Variants in ASAP2 observed in about 807,000 individuals in gnomAD.
ASAP2 encodes ArfGAP with SH3 domain, ankyrin repeat and PH domain 2.
A neutral mutation model predicts 131.4 loss-of-function variants in ASAP2; 45 were observed. The observed-to-expected ratio is 0.34, with a 90% CI of 0.27 to 0.44. The LOEUF (loss-of-function observed/expected upper bound fraction) is 0.44. Among genes scored for constraint, ASAP2 ranks in the 20% least tolerant of loss-of-function variants. ASAP2 has a pLI of 1.00. For missense variants in ASAP2, 1,011 were observed against 1,297.0 expected (o/e 0.78, Z 3.39); for synonymous variants, 510 against 503.0 (o/e 1.01, Z -0.19).
intron 2 of ASAP2, among the ~76,000 whole-genome samples, chr2:9,286,022 A>G (rs1667437493): frequency 6.6e-6 from 1 of 152,214 alleles, no homozygotes; most frequent in South Asian, 2.1e-4. Flanking sequence ...AACTATTTCT[A>G]TTGTAGATAT....
chr2:9,313,881 A>G (rs1669477376), intron 3 of ASAP2, among the ~76,000 whole-genome samples: 1 of 152,196 alleles, frequency 6.6e-6, no homozygotes, highest in Non-Finnish European at 1.5e-5. Flanking sequence ...AGTGTAAAAT[A>G]TGCTACTATG....
At chr2:9,278,344 C>G (rs1015473297) in intron 1 of ASAP2, among the ~76,000 whole-genome samples, 1 of 152,000 alleles carries the variant, frequency 6.6e-6, no homozygotes, top group Non-Finnish European at 1.5e-5. Context: ...GAAACCCCGT[C>G]TCTACTAAAA....
chr2:9,338,347 ATCTC>A (rs372489671), intron 9 of ASAP2, among the ~76,000 whole-genome samples: 2 of 147,014 alleles, frequency 1.4e-5, no homozygotes, highest in Non-Finnish European at 3.0e-5. Context: ...GTCTGTCTCT[ATCTC>A]TCTCTCTCTC....
In ASAP2 at chr2:9,388,494, AGCCCCCAGC is replaced by A; in HGVS notation, c.2332_2340del (p.Ala778_Ser780del). The stretch of plus-strand genomic sequence containing the variant: ...GCAGCCCACCTCCCGCCCAGCCTGC[AGCCCCCAGC>A]ACCACCAGCGCCCCCCCGCTTCCTC... On this transcript the variant is annotated inframe_deletion, in exon 22 of 28. Transcript: ENST00000281419. The A allele has an allele frequency of 1.2e-6, 2 of 1,612,674 alleles. No individual in the cohort carries two copies. The highest frequency in any genetic ancestry group is 1.7e-6 in the Non-Finnish European group (2 of 1,179,302).
At chr2:9,300,356 A>G (rs1668407791) in intron 3 of ASAP2, among the ~76,000 whole-genome samples, 1 of 152,240 alleles carries the variant, frequency 6.6e-6, no homozygotes, top group African/African-American at 2.4e-5. Flanking sequence ...TCAGTTAACA[A>G]AAGGGCAGCT....
intron 1 of ASAP2, chr2:9,271,491 A>G: frequency 1.4e-6 from 2 of 1,409,400 alleles, no homozygotes; most frequent in South Asian, 1.2e-5. Flanking sequence ...TCCCTTGGAC[A>G]GTAGTAAGGG....
intron 7 of ASAP2, among the ~76,000 whole-genome samples, chr2:9,334,039 CTTTTTTTTTTT>C (rs35495550): frequency 1.8e-3 from 95 of 53,292 alleles, no homozygotes; most frequent in African/African-American, 6.3e-3. Flanking sequence ...TGTCTTTCTC[CTTTTTTTTTTT>C]TTTTTTTTTT....
intron 16 of ASAP2, among the ~76,000 whole-genome samples, chr2:9,369,335 T>C (rs1673752405): frequency 6.6e-6 from 1 of 152,158 alleles, no homozygotes; most frequent in Non-Finnish European, 1.5e-5. Flanking sequence ...GAAGCTTTTG[T>C]GTCTACTGGT....
intron 11 of ASAP2, among the ~76,000 whole-genome samples, chr2:9,348,273 T>C (rs1672100923): frequency 6.6e-6 from 1 of 151,852 alleles, no homozygotes; most frequent in Non-Finnish European, 1.5e-5. Flanking sequence ...CATGCCACCA[T>C]GCCCAGCTAA....
At chr2:9,327,709 C>A in intron 6 of ASAP2, 117 bp from the exon 7 acceptor site, 1 of 697,444 alleles carries the variant, frequency 1.4e-6, no homozygotes, top group Non-Finnish European at 2.4e-6. Flanking sequence ...CGATCATGCA[C>A]TCTACGCATT....
intron 20 of ASAP2, among the ~76,000 whole-genome samples, chr2:9,381,316 C>G (rs986296219): frequency 6.6e-6 from 1 of 152,236 alleles, no homozygotes; most frequent in African/African-American, 2.4e-5. Flanking sequence ...CCCAGCTTGG[C>G]TTGGGAAGGA....
At chr2:9,330,554 T>C (rs956079824) in intron 7 of ASAP2, among the ~76,000 whole-genome samples, 28 of 152,272 alleles carry the variant, frequency 1.8e-4, no homozygotes, top group African/African-American at 6.0e-4. Context: ...TGAATTTATA[T>C]TAAAAAATAT....
intron 1 of ASAP2, among the ~76,000 whole-genome samples, chr2:9,269,172 A>T (rs1666162112): frequency 6.6e-6 from 1 of 152,034 alleles, no homozygotes; most frequent in African/African-American, 2.4e-5. Flanking sequence ...TTATTAATGA[A>T]ATTCAAAATA....
At chr2:9,316,732 G>T (rs979810602) in intron 3 of ASAP2, among the ~76,000 whole-genome samples, 1 of 152,084 alleles carries the variant, frequency 6.6e-6, no homozygotes, top group Non-Finnish European at 1.5e-5. Flanking sequence ...CTGCTGTCAC[G>T]GAGACTTGCT....
intron 9 of ASAP2, among the ~76,000 whole-genome samples, chr2:9,339,993 A>C (rs1301216728): frequency 6.6e-6 from 1 of 152,116 alleles, no homozygotes; most frequent in Admixed American, 6.5e-5. Context: ...GCCACTTTAC[A>C]GGGTAGGCAA....
intron 20 of ASAP2, among the ~76,000 whole-genome samples, chr2:9,383,663 G>A (rs928084099): frequency 1.3e-5 from 2 of 152,052 alleles, no homozygotes; most frequent in African/African-American, 2.4e-5. Context: ...TCTTCCAAAG[G>A]CACTTTCAAG....
chr2:9,361,516 C>CTTTCT (rs955940446), intron 15 of ASAP2, among the ~76,000 whole-genome samples: 5 of 152,072 alleles, frequency 3.3e-5, no homozygotes, highest in Non-Finnish European at 7.4e-5. Context: ...AGGCTTCTTT[C>CTTTCT]TTTCTTTTCT....
intron 6 of ASAP2, 58 bp downstream of exon 6, chr2:9,323,308 C>T: frequency 1.3e-6 from 2 of 1,599,932 alleles, no homozygotes; most frequent in South Asian, 2.2e-5. Flanking sequence ...CTGCCCTCAC[C>T]TGTGGGAGCA....
chr2:9,276,295 G>C (rs543803290), intron 1 of ASAP2, among the ~76,000 whole-genome samples: 3 of 152,314 alleles, frequency 2.0e-5, no homozygotes, highest in East Asian at 1.9e-4. Context: ...GGAGAGAGGA[G>C]TGTGTGCACG....
Sources: gnomAD v4.1 joint callset for allele counts (sites outside exome capture counted in the v4.1 genomes callset) on GRCh38, gnomAD v4.1.1 for gene constraint, MANE v1.5 for transcripts, NCBI Gene and HGNC (gene_info 2026-07-23, HGNC 2026-07-21) for gene names.